Variants in MAB21L3 observed in about 807,000 individuals in gnomAD.
The protein encoded by MAB21L3 is protein mab-21-like 3.
MAB21L3 carries 36 observed loss-of-function variants against 37.7 expected under a neutral mutation model. That is an observed-to-expected ratio of 0.96 (90% CI 0.73 to 1.26). The LOEUF is 1.26. Among genes scored for constraint, MAB21L3 ranks in the 50% most tolerant of loss-of-function variants. The pLI, the probability that MAB21L3 is intolerant of heterozygous loss-of-function variation, is 0.00. For synonymous variants in MAB21L3, 186 were observed against 176.8 expected, an observed-to-expected ratio of 1.05 and a Z score of -0.41; for missense variants, 430 against 447.3, an observed-to-expected ratio of 0.96 and a Z score of 0.35.
chr1:116,123,587 C>A (rs1659813055), intron 4 of MAB21L3, among the ~76,000 whole-genome samples: 1 of 152,196 alleles, frequency 6.6e-6, no homozygotes, highest in African/African-American at 2.4e-5. Flanking sequence ...TCTGACTCTT[C>A]TACTTACTGG....
chr1:116,112,554 T>A lies in MAB21L3; in HGVS notation c.-62T>A, dbSNP rs1659451477. 2 of 1,501,992 alleles carry A rather than the reference T, an allele frequency of 1.3e-6. No individual in the cohort carries two copies. The highest frequency in any genetic ancestry group is 3.4e-5 in the Admixed American group (2 of 58,460). 93.0% of individuals were successfully genotyped at this position (1,501,992 alleles called of 1,614,324 possible). On this transcript the variant is annotated 5_prime_UTR_variant, in exon 3 of 8. Transcript: ENST00000369500. ...TGCTATCTACTCACAAGTGTTGCAC[T>A]CCATTGAGAAAAAAAAAAAAACCAG...
At chr1:116,132,860 C>T (rs1207811538) in intron 7 of MAB21L3, among the ~76,000 whole-genome samples, 2 of 151,946 alleles carry the variant, frequency 1.3e-5, no homozygotes, top group Admixed American at 6.6e-5. Context: ...CCATTTTCCC[C>T]GTAAAGTAGG....
In MAB21L3 at chr1:116,136,362, C is replaced by T. The variant is rs1172657797; in HGVS notation, c.*2997C>T. 6.6e-6 allele frequency among the ~76,000 whole-genome samples: 1 copy of T among 152,132 alleles called. No individual in the cohort carries two copies. Among genetic ancestry groups the T allele is most frequent in the Admixed American group, 6.5e-5 (1 of 15,278 alleles). The stretch of plus-strand genomic sequence containing the variant: ...GACAGAGAGCCAAATCATGAGTGAA[C>T]TCCCATTCACAATTGCTTCAAAGAG... On this transcript the variant is annotated 3_prime_UTR_variant, in exon 8 of 8. Transcript: ENST00000369500.
At chr1:116,112,030 A>G (rs1659437131) in intron 2 of MAB21L3, among the ~76,000 whole-genome samples, 1 of 152,154 alleles carries the variant, frequency 6.6e-6, no homozygotes, top group Non-Finnish European at 1.5e-5. Flanking sequence ...GGGCATAATG[A>G]TGGGTGTCAG....
At chr1:116,127,339 C>T (rs1056779624) in intron 5 of MAB21L3, 127 bp from the exon 6 acceptor site, 11 of 819,232 alleles carry the variant, frequency 1.3e-5, no homozygotes, top group Non-Finnish European at 2.2e-5. Flanking sequence ...GTGCTACAGA[C>T]ATTGTGAAAG....
At chr1:116,131,210 G>A (rs10802158) in intron 7 of MAB21L3, among the ~76,000 whole-genome samples, 14,804 of 152,184 alleles carry the variant, frequency 0.097, 1,083 homozygotes, top group African/African-American at 0.2. Context: ...TACTGTTGTC[G>A]CTGCTTCTTA....
At position 116,137,638 on chromosome 1, in the gene MAB21L3, G is replaced by T. The variant is rs1660222202; in HGVS notation, c.*4273G>T. Among the ~76,000 whole-genome samples, 1 of 150,984 alleles carries T rather than the reference G, an allele frequency of 6.6e-6. No individual in the cohort carries two copies. The highest frequency in any genetic ancestry group is 2.5e-5 in the African/African-American group (1 of 40,724). Reference sequence around the variant, plus strand: ...TCCCATTACTGGGTATATACCCAAAGGACTATAAATCATGCTGCTATAAAG... The same window carrying T: ...TCCCATTACTGGGTATATACCCAAATGACTATAAATCATGCTGCTATAAAG... On this transcript the variant is annotated 3_prime_UTR_variant, in exon 8 of 8. Coordinates refer to ENST00000369500, the MANE Select transcript of MAB21L3 (RefSeq NM_152367.3).
intron 3 of MAB21L3, among the ~76,000 whole-genome samples, 176 bp from the exon 4 acceptor site, chr1:116,120,756 T>A (rs761955114): frequency 2.6e-5 from 4 of 152,128 alleles, no homozygotes; most frequent in Non-Finnish European, 5.9e-5. Context: ...CCACCAAGTG[T>A]CTTCTCAATG....
chr1:116,116,405 T>C (rs550196046), intron 3 of MAB21L3, among the ~76,000 whole-genome samples: 1 of 152,298 alleles, frequency 6.6e-6, no homozygotes, highest in East Asian at 1.9e-4. Flanking sequence ...AGCAGGAGCA[T>C]CACTGTCTGG....
At chr1:116,121,111 G>A (rs1013080090) in intron 4 of MAB21L3, 39 bp downstream of exon 4, 1 of 1,593,666 alleles carries the variant, frequency 6.3e-7, no homozygotes, top group Non-Finnish European at 8.6e-7. Flanking sequence ...CACCAACAGA[G>A]CCAGGACACT....
intron 3 of MAB21L3, among the ~76,000 whole-genome samples, chr1:116,120,002 G>A (rs1399070456): frequency 2.0e-5 from 3 of 152,124 alleles, no homozygotes; most frequent in African/African-American, 7.2e-5. Flanking sequence ...ACATCAGTGG[G>A]AAGCAGGCTG....
chr1:116,122,703 A>G (rs1326708718), intron 4 of MAB21L3, among the ~76,000 whole-genome samples: 1 of 152,204 alleles, frequency 6.6e-6, no homozygotes, highest in Non-Finnish European at 1.5e-5. Flanking sequence ...TGGGACTACA[A>G]GTGCAAATGC....
chr1:116,117,162 C>CATACATATATAT (rs1553230659), intron 3 of MAB21L3, among the ~76,000 whole-genome samples: 2 of 114,556 alleles, frequency 1.7e-5, no homozygotes, highest in African/African-American at 7.0e-5. Flanking sequence ...AATATACATA[C>CATACATATATAT]ATATATATAT....
At chr1:116,132,232 T>C (rs182111749) in intron 7 of MAB21L3, among the ~76,000 whole-genome samples, 11 of 152,152 alleles carry the variant, frequency 7.2e-5, no homozygotes, top group African/African-American at 1.4e-4. Context: ...GGAATGAATG[T>C]AGACTGAGAG....
chr1:116,113,216 T>C (rs2101606599), intron 3 of MAB21L3, among the ~76,000 whole-genome samples: 1 of 152,354 alleles, frequency 6.6e-6, no homozygotes, highest in African/African-American at 2.4e-5. Context: ...CCTTTTCATT[T>C]ACGGATGAAG....
intron 4 of MAB21L3, among the ~76,000 whole-genome samples, chr1:116,122,731 T>G (rs879375541): frequency 3.3e-5 from 5 of 152,148 alleles, no homozygotes; most frequent in Admixed American, 2.0e-4. Context: ...CCTGGTTAAT[T>G]TTTTTATTTT....
At chr1:116,115,688 CA>C (rs1381618645) in intron 3 of MAB21L3, among the ~76,000 whole-genome samples, 1 of 152,180 alleles carries the variant, frequency 6.6e-6, no homozygotes, top group Non-Finnish European at 1.5e-5. Context: ...GCAAGTGAGT[CA>C]GAGTGATATT....
chr1:116,132,323 G>A (rs1047090196), intron 7 of MAB21L3, among the ~76,000 whole-genome samples: 4 of 152,244 alleles, frequency 2.6e-5, no homozygotes, highest in East Asian at 3.9e-4. Flanking sequence ...CCAGGGAGGC[G>A]CTGTAATGCT....
At chr1:116,125,697 T>A (rs1310037363) in intron 5 of MAB21L3, among the ~76,000 whole-genome samples, 4 of 152,266 alleles carry the variant, frequency 2.6e-5, no homozygotes, top group African/African-American at 9.6e-5. Context: ...TAGATTTTTT[T>A]ACTAAGTAGA....
Sources: allele counts gnomAD v4.1 joint callset (sites outside exome capture counted in the v4.1 genomes callset), GRCh38; gene constraint gnomAD v4.1.1; transcripts MANE v1.5; gene names NCBI Gene and HGNC (gene_info 2026-07-23, HGNC 2026-07-21).